YARS1: variants seen among roughly 807,000 people sequenced by gnomAD.
The protein encoded by YARS1 is tyrosine--tRNA ligase, cytoplasmic.
Under a neutral mutation model 62.2 loss-of-function variants are expected in YARS1, and 36 were observed. That is an observed-to-expected ratio of 0.58 (90% confidence interval 0.44 to 0.76). YARS1 has a LOEUF of 0.76. Among genes scored for constraint, YARS1 ranks in the 30% least tolerant of loss-of-function variants. The probability of loss-of-function intolerance (pLI) is 0.00; values close to 1 mark genes in which losing one functional copy is unlikely to be tolerated. For synonymous variants in YARS1, 234 were observed against 244.9 expected (o/e 0.96, Z 0.42); for missense variants, 524 against 639.8 (o/e 0.82, Z 1.95).
At chr1:32,802,959 C>T (rs183178439) in intron 4 of YARS1, among the ~76,000 whole-genome samples, 4 of 148,230 alleles carry the variant, frequency 2.7e-5, no homozygotes, top group East Asian at 2.0e-4. Context: ...GTTACAGATG[C>T]GCGCCACAAC....
At chr1:32,795,884 C>G (rs1329612965) in intron 5 of YARS1, among the ~76,000 whole-genome samples, 1 of 151,622 alleles carries the variant, frequency 6.6e-6, no homozygotes, top group Non-Finnish European at 1.5e-5. Flanking sequence ...TTTTCACAAT[C>G]CTTAAACAAT....
At chr1:32,810,317 C>T (rs1044115119) in intron 3 of YARS1, among the ~76,000 whole-genome samples, 2 of 152,250 alleles carry the variant, frequency 1.3e-5, no homozygotes, top group African/African-American at 4.8e-5. Context: ...ATCACTCTCC[C>T]ATATGCTGTG....
rs745418438 is a variant in YARS1, at chr1:32,782,522, G to A, written c.924C>T (p.Asp308=). The A allele has an allele frequency of 3.7e-6, 6 of 1,613,940 alleles. No individual in the cohort carries two copies. The highest frequency in any genetic ancestry group is 3.3e-5 in the Admixed American group (2 of 59,976). ...GTGCGACTTCAACAGAATTCTTCAG[G>A]TCTCCAGGATGTACAACCTGCAGAA... ...DFAAEVVHPG[D]LKNSVEVALN... The change falls in exon 9 of 13, where the codon GAC becomes GAT. Residue 308 remains aspartate (D), a synonymous_variant. Transcript: ENST00000373477.
chr1:32,817,313 C>T lies in YARS1; in HGVS notation c.-69G>A. ...CCCCTTCCTGGGTCACCGTCGCCGCCGCGTGCCGGGAACTGTCACGCGAGT... is the reference window on the plus strand; with the variant it reads ...CCCCTTCCTGGGTCACCGTCGCCGCTGCGTGCCGGGAACTGTCACGCGAGT... On this transcript the variant is annotated 5_prime_UTR_variant, in exon 1 of 13. Transcript: ENST00000373477. The T allele has an allele frequency of 6.3e-7, 1 of 1,594,694 alleles. No individual in the cohort carries two copies. Among genetic ancestry groups the T allele is most frequent in the Non-Finnish European group, 8.6e-7 (1 of 1,166,434 alleles).
chr1:32,809,951 C>G (rs939675788), intron 3 of YARS1, among the ~76,000 whole-genome samples: 1 of 151,832 alleles, frequency 6.6e-6, no homozygotes, highest in Non-Finnish European at 1.5e-5. Context: ...ACTAAAAATA[C>G]AAAAATTAGC....
chr1:32,800,056 C>T (rs1557459201), intron 4 of YARS1, among the ~76,000 whole-genome samples: 1 of 152,122 alleles, frequency 6.6e-6, no homozygotes, highest in Non-Finnish European at 1.5e-5. Flanking sequence ...TCTCGGCTCA[C>T]TGCAACCTCC....
Position 32,795,065 on chromosome 1 carries a change from A to G in YARS1, c.591+2698T>C, listed in dbSNP as rs987415292. 2.0e-5 allele frequency among the ~76,000 whole-genome samples: 3 copies of G among 150,774 alleles called. No homozygotes were observed. The East Asian group carries it at 5.9e-4, about 29-fold the overall frequency. Reference sequence around the variant, plus strand: ...CCAGGCGCGGTGGCTCACGCTTGTAATCTCAGCACTCTGGGAGGCCAAGGT... The same window carrying G: ...CCAGGCGCGGTGGCTCACGCTTGTAGTCTCAGCACTCTGGGAGGCCAAGGT... On this transcript the variant is annotated intron_variant, in intron 5 of 12. Coordinates refer to ENST00000373477, the MANE Select transcript of YARS1 (RefSeq NM_003680.4).
Position 32,797,775 on chromosome 1 carries a change from G to T in YARS1, c.579C>A (p.Thr193=), listed in dbSNP as rs1344194115. ...FGGIDQRKIF[T]FAEKYLPALG... Reference sequence around the variant, plus strand: ...AGCAGACACTCACCTTCTCTGCAAAGGTGAAAATCTTTCTCTGATCAATGC... The same window carrying T: ...AGCAGACACTCACCTTCTCTGCAAATGTGAAAATCTTTCTCTGATCAATGC... Residue 193 remains threonine (T), a synonymous_variant, in exon 5 of 13, where the codon ACC becomes ACA. Coordinates refer to ENST00000373477, the MANE Select transcript of YARS1 (RefSeq NM_003680.4). 1.2e-6 allele frequency: 2 copies of T among 1,613,964 alleles called. No individual in the cohort carries two copies. Among genetic ancestry groups the T allele is most frequent in the African/African-American group, 2.7e-5 (2 of 74,918 alleles).
In YARS1 at chr1:32,779,407, T is replaced by C; in HGVS notation, c.1451A>G (p.Lys484Arg). The change falls in exon 12 of 13, where the codon AAG (lysine) becomes AGG (arginine). Residue 484 changes from lysine to arginine, a missense_variant. Physicochemically the swap from Lys to Arg is conservative, Grantham distance 26. Transcript: ENST00000373477. The stretch of plus-strand genomic sequence containing the variant: ...CTGCAACTTCTCGAAGACTTTCTTC[T>C]TGGGCTTGAGCTCCTCATCTGGTTG... Reference protein sequence around the residue: ...KGQPDEELKPKKKVFEKLQAD... With the variant: ...KGQPDEELKPRKKVFEKLQAD... 6.2e-7 allele frequency: 1 copy of C among 1,614,218 alleles called. No homozygotes were observed.
At position 32,811,049 on chromosome 1, in the gene YARS1, C is replaced by A; in HGVS notation, c.66G>T (p.Leu22=). 6 of 1,614,138 alleles carry A rather than the reference C, an allele frequency of 3.7e-6. No homozygotes were observed. Among genetic ancestry groups the A allele is most frequent in the Non-Finnish European group, 5.1e-6 (6 of 1,180,026 alleles). ...HLITRNLQEV[L]GEEKLKEILK... ...GTATCTCCTTCAGCTTCTCTTCCCC[C>A]AGAACCTCCTATTGTGGAAGCAGAA... Residue 22 remains leucine (L), a synonymous_variant, in exon 2 of 13, where the codon CTG becomes CTT. Coordinates refer to ENST00000373477, the MANE Select transcript of YARS1 (RefSeq NM_003680.4).
chr1:32,799,718 G>A (rs958010477), intron 4 of YARS1, among the ~76,000 whole-genome samples: 10 of 152,122 alleles, frequency 6.6e-5, no homozygotes, highest in African/African-American at 2.4e-4. Context: ...TGTGACTAGA[G>A]AACAAAAATT....
At chr1:32,791,101 G>C in intron 6 of YARS1, 61 bp downstream of exon 6, 1 of 1,445,016 alleles carries the variant, frequency 6.9e-7, no homozygotes, top group Non-Finnish European at 9.7e-7. Context: ...GTTCTTTTCA[G>C]TCCTCAATCT....
intron 5 of YARS1, among the ~76,000 whole-genome samples, chr1:32,793,857 A>G (rs2148607797): frequency 6.6e-6 from 1 of 152,354 alleles, no homozygotes; most frequent in East Asian, 1.9e-4. Flanking sequence ...ATACCCAGTG[A>G]AAGAAATTGA....
At chr1:32,803,286 C>CTTT (rs60704395) in intron 4 of YARS1, among the ~76,000 whole-genome samples, 5 of 134,964 alleles carry the variant, frequency 3.7e-5, no homozygotes, top group African/African-American at 8.4e-5. Flanking sequence ...CCTAATTCTT[C>CTTT]TTTTTTTTTT....
At chr1:32,788,700 G>T (rs923906528) in intron 6 of YARS1, among the ~76,000 whole-genome samples, 1 of 152,086 alleles carries the variant, frequency 6.6e-6, no homozygotes, top group African/African-American at 2.4e-5. Context: ...CAAAGTGCTG[G>T]GATTACAGGC....
At chr1:32,798,133 A>G in intron 4 of YARS1, 1 of 395,026 alleles carries the variant, frequency 2.5e-6, no homozygotes. Context: ...TGGCCTCCCA[A>G]AGTGCTGGGA....
chr1:32,776,119 AATG>A lies in YARS1; in HGVS notation c.1477-31_1477-29del, dbSNP rs1569696584. 1 of 1,584,090 alleles carries A rather than the reference AATG, an allele frequency of 6.3e-7. No homozygotes were observed. The highest frequency in any genetic ancestry group is 2.2e-5 in the East Asian group (1 of 44,704). On this transcript the variant is annotated intron_variant, in intron 12 of 12. Coordinates refer to ENST00000373477, the MANE Select transcript of YARS1 (RefSeq NM_003680.4). This position sits in a 1 kb window ranked among gnomAD's most constrained non-coding sequence, Gnocchi z 4.0. ...GGACAAGACAGATAAGAGAGATTTT[AATG>A]ATGGTGGTGGGACTGCAAGAAAACC...
At chr1:32,797,300 C>T (rs1336689019) in intron 5 of YARS1, among the ~76,000 whole-genome samples, 1 of 151,602 alleles carries the variant, frequency 6.6e-6, no homozygotes, top group Non-Finnish European at 1.5e-5. Context: ...TGAGCCCAGG[C>T]TGTCGAGGCT....
At chr1:32,779,780 C>T (rs987820583) in intron 11 of YARS1, 24 of 615,504 alleles carry the variant, frequency 3.9e-5, no homozygotes, top group Non-Finnish European at 5.4e-5. Context: ...AATAACGTAG[C>T]GAGGACTTTA....
Sources: allele counts gnomAD v4.1 joint callset (sites outside exome capture counted in the v4.1 genomes callset), GRCh38; gene constraint gnomAD v4.1.1; non-coding constraint Gnocchi (gnomAD v3.1); transcripts MANE v1.5; gene names NCBI Gene and HGNC (gene_info 2026-07-23, HGNC 2026-07-21).